MDH1: variants seen among roughly 807,000 people sequenced by gnomAD.
The protein encoded by MDH1 is malate dehydrogenase 1.
MDH1 carries 15 observed loss-of-function variants against 38.7 expected under a neutral mutation model. The observed-to-expected ratio is 0.39, with a 90% CI of 0.26 to 0.60. MDH1 has a LOEUF of 0.60. Ranked by LOEUF, MDH1 falls within the 20% of genes least tolerant of loss-of-function variation. The pLI is 0.56. For missense variants in MDH1, 368 were observed against 405.2 expected, an observed-to-expected ratio of 0.91 and a Z score of 0.79; for synonymous variants, 144 against 143.6, an observed-to-expected ratio of 1.00 and a Z score of -0.02.
Position 63,607,179 on chromosome 2 carries a change from A to AAT in MDH1, c.*199_*200dup. ...ATGCTGTTAGTGTGCATTCTAAATA[A>AAT]ATATATATTCAAATGAAAGTGACTC... On this transcript the variant is annotated 3_prime_UTR_variant, in exon 9 of 9. Coordinates refer to ENST00000233114, the MANE Select transcript of MDH1 (RefSeq NM_005917.4). The AAT allele has an allele frequency of 2.7e-6, 1 of 374,702 alleles. No homozygotes were observed. The highest frequency in any genetic ancestry group is 4.7e-6 in the Non-Finnish European group (1 of 211,608). 23.2% of individuals were successfully genotyped at this position (374,702 alleles called of 1,614,324 possible). A position where few individuals can be genotyped will look rare whatever the true frequency, so the allele number is the denominator to read the frequency against.
At chr2:63,593,802 G>T (rs970385772) in intron 1 of MDH1, among the ~76,000 whole-genome samples, 5 of 152,132 alleles carry the variant, frequency 3.3e-5, no homozygotes, top group African/African-American at 1.2e-4. Flanking sequence ...TGTCAGCTTA[G>T]TCTTTTTTTA....
At position 63,594,518 on chromosome 2, in the gene MDH1, G is replaced by C. The variant is rs757312912; in HGVS notation, c.34G>C (p.Ala12Pro). The C allele has an allele frequency of 6.2e-7, 1 of 1,613,834 alleles. No individual in the cohort carries two copies. Among genetic ancestry groups the C allele is most frequent in the Non-Finnish European group, 8.5e-7 (1 of 1,179,808 alleles). The change falls in exon 2 of 9, where the codon GCA (alanine) becomes CCA (proline). Residue 12 changes from alanine to proline, a missense_variant. Physicochemically the swap from Ala to Pro is conservative, Grantham distance 27. Transcript: ENST00000233114. ...SEPIRVLVTG[A>P]AGQIAYSLLY... is the part of the protein sequence containing the mutation. ...ACCAATCAGAGTCCTTGTGACTGGAGCAGCTGGTCAAATTGCATATTCACT... is the reference window on the plus strand; with the variant it reads ...ACCAATCAGAGTCCTTGTGACTGGACCAGCTGGTCAAATTGCATATTCACT...
intron 1 of MDH1, chr2:63,593,451 T>C: frequency 2.4e-6 from 1 of 414,622 alleles, no homozygotes; most frequent in Non-Finnish European, 4.9e-6. Flanking sequence ...GAGTACCAAA[T>C]TGCTGAGTGC....
intron 1 of MDH1, chr2:63,590,872 G>T (rs1709185838): frequency 6.6e-6 from 1 of 152,212 alleles, no homozygotes; most frequent in Admixed American, 6.5e-5. Context: ...AGTTAGAAAA[G>T]AGCCTTCTTC....
intron 5 of MDH1, among the ~76,000 whole-genome samples, chr2:63,601,225 T>C (rs1709412096): frequency 6.6e-6 from 1 of 152,174 alleles, no homozygotes; most frequent in Admixed American, 6.5e-5. Flanking sequence ...TTTCTTCCTC[T>C]AGAAGAAGTT....
intron 2 of MDH1, 127 bp downstream of exon 2, chr2:63,594,713 A>T: frequency 1.5e-6 from 1 of 674,470 alleles, no homozygotes. Flanking sequence ...TGTAATAGGC[A>T]CATTGCTATA....
intron 3 of MDH1, among the ~76,000 whole-genome samples, chr2:63,595,880 C>A (rs1392923353): frequency 6.6e-6 from 1 of 152,118 alleles, no homozygotes; most frequent in African/African-American, 2.4e-5. Flanking sequence ...GTCTGCTTAA[C>A]TGGTAATAGT....
chr2:63,606,669 T>C (rs1709535778), intron 8 of MDH1, among the ~76,000 whole-genome samples, 193 bp from the exon 9 acceptor site: 1 of 152,092 alleles, frequency 6.6e-6, no homozygotes, highest in Non-Finnish European at 1.5e-5. Flanking sequence ...TTTTTTTTTT[T>C]TAGATTCAAG....
In MDH1 at chr2:63,605,958, G is replaced by A. The variant is rs1200602423; in HGVS notation, c.809G>A (p.Gly270Asp). The part of the protein sequence containing the change: ...GTPEGEFVSM[G>D]VISDGNSYGV... ...TTTCAGGGAGAGTTTGTGTCCATGGGTGTTATCTCTGATGGCAACTCCTAT... is the reference window on the plus strand; with the variant it reads ...TTTCAGGGAGAGTTTGTGTCCATGGATGTTATCTCTGATGGCAACTCCTAT... Residue 270 changes from glycine to aspartate, a missense_variant, in exon 8 of 9, where the codon GGT becomes GAT. Coordinates refer to ENST00000233114, the MANE Select transcript of MDH1 (RefSeq NM_005917.4). The A allele has an allele frequency of 1.9e-5, 31 of 1,613,930 alleles. No homozygotes were observed. The highest frequency in any genetic ancestry group is 2.4e-5 in the Non-Finnish European group (28 of 1,179,906).
At chr2:63,589,146 A>C (rs1173407782) in intron 1 of MDH1, 100 bp downstream of exon 1, 3 of 1,612,938 alleles carry the variant, frequency 1.9e-6, no homozygotes, top group African/African-American at 1.3e-5. Flanking sequence ...TGTGCAAGGC[A>C]CTGTCCTTCG....
rs759740897 is a variant in MDH1 at position 63,597,473 on chromosome 2, A to G, written c.274A>G (p.Arg92Gly). 6.6e-7 allele frequency: 1 copy of G among 1,516,818 alleles called. No individual in the cohort carries two copies. Among genetic ancestry groups the G allele is most frequent in the Admixed American group, 2.0e-5 (1 of 49,722 alleles). The allele number at this position is 1,516,818 out of a possible 1,614,324, so 94.0% of individuals were successfully genotyped here. ...GGCCATTCTTGTGGGCTCCATGCCA[A>G]GAAGGGAAGGCATGGAGAGAAAAGA... ...DVAILVGSMP[R>G]REGMERKDLL... is the part of the protein sequence containing the mutation. Residue 92 changes from arginine to glycine, a missense_variant, in exon 4 of 9, where the codon AGA (arginine) becomes GGA (glycine). Arg to Gly is a moderately radical substitution (Grantham distance 125). Coordinates refer to ENST00000233114, the MANE Select transcript of MDH1 (RefSeq NM_005917.4).
intron 5 of MDH1, among the ~76,000 whole-genome samples, chr2:63,600,911 T>G (rs1709406128): frequency 6.6e-6 from 1 of 152,186 alleles, no homozygotes. Context: ...AACAAGAAAG[T>G]TCCTACAACA....
Position 63,605,974 on chromosome 2 carries a change from C to G in MDH1, c.825C>G (p.Gly275=). 6.2e-7 allele frequency: 1 copy of G among 1,614,144 alleles called. No homozygotes were observed. The highest frequency in any genetic ancestry group is 8.5e-7 in the Non-Finnish European group (1 of 1,179,980). The change falls in exon 8 of 9, where the codon GGC becomes GGG. Residue 275 remains glycine, a synonymous_variant. Coordinates refer to ENST00000233114, the MANE Select transcript of MDH1 (RefSeq NM_005917.4). ...TGTCCATGGGTGTTATCTCTGATGG[C>G]AACTCCTATGGTGTTCCTGATGATC... The part of the protein sequence containing the change: ...EFVSMGVISD[G]NSYGVPDDLL...
intron 4 of MDH1, among the ~76,000 whole-genome samples, chr2:63,598,863 A>G (rs1709365938): frequency 6.6e-6 from 1 of 151,078 alleles, no homozygotes; most frequent in South Asian, 2.1e-4. Flanking sequence ...GAGACAATGA[A>G]GTATCTTGTC....
At chr2:63,590,807 A>G (rs138222713) in intron 1 of MDH1, 69 of 152,242 alleles carry the variant, frequency 4.5e-4, no homozygotes, top group African/African-American at 1.6e-3. Flanking sequence ...ACTGACAGCA[A>G]ACTCACACAT....
chr2:63,599,467 T>C (rs552600844), intron 5 of MDH1, 175 bp downstream of exon 5: 29 of 556,624 alleles, frequency 5.2e-5, no homozygotes, highest in African/African-American at 5.0e-4. Context: ...AGTCTTTAAA[T>C]GTATTCTCTT....
chr2:63,591,732 C>T (rs1302302482), intron 1 of MDH1, among the ~76,000 whole-genome samples: 1 of 152,106 alleles, frequency 6.6e-6, no homozygotes, highest in Non-Finnish European at 1.5e-5. Flanking sequence ...TTCTCAAGAG[C>T]GCTTCATGGC....
At chr2:63,605,213 T>A in intron 6 of MDH1, 67 bp from the exon 7 acceptor site, 4 of 1,064,214 alleles carry the variant, frequency 3.8e-6, no homozygotes, top group Non-Finnish European at 5.7e-6. Context: ...AAGGTCGACT[T>A]GGAATTAATG....
intron 3 of MDH1, 57 bp from the exon 4 acceptor site, chr2:63,597,342 G>C: frequency 7.6e-7 from 1 of 1,317,058 alleles, no homozygotes; most frequent in Non-Finnish European, 9.8e-7. Flanking sequence ...ATATGAAAAA[G>C]AAAACTTCAA....
Sources: gnomAD v4.1 joint callset for allele counts (sites outside exome capture counted in the v4.1 genomes callset) on GRCh38, gnomAD v4.1.1 for gene constraint, MANE v1.5 for transcripts, NCBI Gene and HGNC (gene_info 2026-07-23, HGNC 2026-07-21) for gene names.